Variants in EHBP1 observed in about 807,000 individuals in gnomAD.
The protein encoded by EHBP1 is EH domain-binding protein 1.
EHBP1 carries 55 observed loss-of-function variants against 144.0 expected under a neutral mutation model. The observed-to-expected ratio is 0.38, with a 90% confidence interval of 0.31 to 0.48. The LOEUF (loss-of-function observed/expected upper bound fraction) is 0.48. Ranked by LOEUF, EHBP1 falls within the 20% of genes least tolerant of loss-of-function variation. The pLI is 0.98. For missense variants in EHBP1, 1,200 were observed against 1,364.2 expected (o/e 0.88, Z 1.90); for synonymous variants, 469 against 472.7 (o/e 0.99, Z 0.10).
chr2:62,818,093 A>C (rs1573511199), intron 5 of EHBP1, among the ~76,000 whole-genome samples: 2 of 151,828 alleles, frequency 1.3e-5, no homozygotes, highest in South Asian at 4.2e-4. Flanking sequence ...ACCATTAAAA[A>C]AACTTTTTAA....
chr2:62,827,619 T>C (rs1240636860), intron 6 of EHBP1, among the ~76,000 whole-genome samples: 3 of 152,172 alleles, frequency 2.0e-5, no homozygotes, highest in Non-Finnish European at 4.4e-5. Context: ...AAGAAAAATG[T>C]TCAGGTTTAA....
At chr2:62,892,610 A>T (rs1366744337) in intron 10 of EHBP1, among the ~76,000 whole-genome samples, 3 of 152,130 alleles carry the variant, frequency 2.0e-5, no homozygotes, top group African/African-American at 7.2e-5. Flanking sequence ...AAACTTGCTA[A>T]TACTTTTAAT....
intron 2 of EHBP1, among the ~76,000 whole-genome samples, chr2:62,719,451 T>C (rs1458552011): frequency 2.0e-5 from 3 of 152,132 alleles, no homozygotes; most frequent in African/African-American, 7.2e-5. Context: ...CCAAGGGCCA[T>C]GATTCACAAA....
At chr2:63,024,959 G>A (rs1449424683) in intron 19 of EHBP1, among the ~76,000 whole-genome samples, 7 of 150,646 alleles carry the variant, frequency 4.6e-5, no homozygotes, top group Non-Finnish European at 8.9e-5. Flanking sequence ...TTGCTCTCCC[G>A]AATTCTAGCC....
chr2:62,684,468 CAAAGTGGGAA>C (rs1383140963), intron 1 of EHBP1, among the ~76,000 whole-genome samples: 1 of 152,026 alleles, frequency 6.6e-6, no homozygotes, highest in Non-Finnish European at 1.5e-5. Flanking sequence ...GGGAAAAAGC[CAAAGTGGGAA>C]AAACAAGGGT....
chr2:62,727,662 A>G (rs758892163), intron 2 of EHBP1, among the ~76,000 whole-genome samples: 5 of 152,144 alleles, frequency 3.3e-5, no homozygotes, highest in Non-Finnish European at 5.9e-5. Context: ...TGAATAATCT[A>G]TTATATGGAT....
At chr2:62,988,020 A>G (rs1314075808) in intron 15 of EHBP1, 2 of 1,604,214 alleles carry the variant, frequency 1.2e-6, no homozygotes, top group East Asian at 4.5e-5. Flanking sequence ...TAACTTAGAA[A>G]ATGACCTTGA....
chr2:62,975,917 C>G (rs1216545587), intron 14 of EHBP1, among the ~76,000 whole-genome samples: 1 of 151,142 alleles, frequency 6.6e-6, no homozygotes, highest in Admixed American at 6.6e-5. Flanking sequence ...CACACACACA[C>G]ACACACACAC....
intron 19 of EHBP1, among the ~76,000 whole-genome samples, chr2:63,031,627 A>T (rs184652923): frequency 3.9e-4 from 59 of 151,928 alleles, no homozygotes; most frequent in African/African-American, 7.0e-4. Flanking sequence ...TATGTAATTT[A>T]AAAAAAATAC....
chr2:62,802,712 G>A (rs568433767), intron 5 of EHBP1, among the ~76,000 whole-genome samples: 4 of 149,526 alleles, frequency 2.7e-5, no homozygotes, highest in African/African-American at 9.8e-5. Context: ...TCTTAAATGG[G>A]ATCATACTTT....
chr2:62,894,756 A>G (rs183411614), intron 10 of EHBP1, among the ~76,000 whole-genome samples: 3 of 152,134 alleles, frequency 2.0e-5, no homozygotes, highest in Admixed American at 1.3e-4. Context: ...CTATTAAAAG[A>G]TTGTAGTAAA....
intron 10 of EHBP1, among the ~76,000 whole-genome samples, chr2:62,911,372 T>C (rs562617488): frequency 1.3e-5 from 2 of 152,330 alleles, no homozygotes; most frequent in African/African-American, 4.8e-5. Context: ...TGTTGTTACT[T>C]ATTTGTTTTA....
chr2:62,977,716 A>G lies in EHBP1; in HGVS notation c.2461-1472A>G, dbSNP rs13418319. Among the ~76,000 whole-genome samples, 294 of 152,314 alleles carry G rather than the reference A, an allele frequency of 1.9e-3. 1 individual carries two copies. Among genetic ancestry groups the G allele is most frequent in the Middle Eastern group, 0.01 (3 of 294 alleles). ...CCAGAGATACAAAGGTAAATCAGCT[A>G]TAGTTCAACTCTAATGTGAAGGAGG... On this transcript the variant is annotated intron_variant, in intron 14 of 22. Transcript: ENST00000431489.
chr2:63,043,920 CTTTTTTTTTTTTTTTTTTTTTT>C (rs70962802), intron 21 of EHBP1: 11 of 9,404 alleles, frequency 1.2e-3, no homozygotes, highest in Admixed American at 2.8e-3. Flanking sequence ...GGCCATGGTT[CTTTTTTTTTTTTTTTTTTTTTT>C]TTTTTTTTTT....
chr2:62,692,868 A>G (rs1041515300), intron 1 of EHBP1, among the ~76,000 whole-genome samples: 1 of 152,128 alleles, frequency 6.6e-6, no homozygotes. Context: ...GTCACAAACA[A>G]TACAATTATA....
intron 2 of EHBP1, among the ~76,000 whole-genome samples, chr2:62,716,853 G>C (rs778237400): frequency 6.6e-6 from 1 of 152,130 alleles, no homozygotes; most frequent in Non-Finnish European, 1.5e-5. Flanking sequence ...TGCATTCCTG[G>C]CTGCCAACTC....
At chr2:62,880,442 C>G (rs1037597882) in intron 10 of EHBP1, among the ~76,000 whole-genome samples, 1 of 151,618 alleles carries the variant, frequency 6.6e-6, no homozygotes, top group Non-Finnish European at 1.5e-5. Context: ...AAAACAAAAA[C>G]TCTTGCCAGA....
chr2:62,734,574 C>G (rs185395381), intron 2 of EHBP1, among the ~76,000 whole-genome samples: 104 of 152,274 alleles, frequency 6.8e-4, no homozygotes, highest in Admixed American at 1.1e-3. Context: ...TTATGGAAAA[C>G]ATACAATTGG....
chr2:62,850,019 G>C (rs1468791235), intron 7 of EHBP1, among the ~76,000 whole-genome samples: 1 of 152,138 alleles, frequency 6.6e-6, no homozygotes, highest in East Asian at 1.9e-4. Context: ...TGGGATCCTA[G>C]GCAGAGGGAA....
Sources: gnomAD v4.1 joint callset for allele counts (sites outside exome capture counted in the v4.1 genomes callset) on GRCh38, gnomAD v4.1.1 for gene constraint, MANE v1.5 for transcripts, NCBI Gene and HGNC (gene_info 2026-07-23, HGNC 2026-07-21) for gene names.